Variants in MARCHF1 observed in about 807,000 individuals in gnomAD.
The protein encoded by MARCHF1 is membrane associated ring-CH-type finger 1, also known as E3 ubiquitin-protein ligase MARCHF1.
In MARCHF1, 40 loss-of-function variants were observed where a neutral mutation model predicts 54.2. The observed-to-expected ratio is 0.74, with a 90% confidence interval of 0.57 to 0.96. MARCHF1 has a LOEUF of 0.96. Ranked by LOEUF, MARCHF1 falls within the 40% of genes least tolerant of loss-of-function variation. The pLI is 0.00. For synonymous variants in MARCHF1, 236 were observed against 236.3 expected (o/e 1.00, Z 0.01); for missense variants, 586 against 656.5 (o/e 0.89, Z 1.17).
At chr4:163,696,533 A>G (rs1043767561) in intron 5 of MARCHF1, among the ~76,000 whole-genome samples, 1 of 152,166 alleles carries the variant, frequency 6.6e-6, no homozygotes, top group African/African-American at 2.4e-5. Context: ...ACTTCTTCAC[A>G]TGAGCTGTCA....
chr4:163,616,381 T>C (rs1261881899), intron 5 of MARCHF1, among the ~76,000 whole-genome samples: 2 of 152,010 alleles, frequency 1.3e-5, no homozygotes, highest in Non-Finnish European at 2.9e-5. Context: ...ATATAGAATA[T>C]ACAAGGAACC....
At chr4:163,932,680 G>T (rs1218928969) in intron 3 of MARCHF1, 2 of 500,894 alleles carry the variant, frequency 4.0e-6, no homozygotes, top group Non-Finnish European at 3.9e-6. Flanking sequence ...GTTGGGGGCT[G>T]CAGGTCCACC....
At chr4:163,976,106 C>G (rs942461952) in intron 3 of MARCHF1, among the ~76,000 whole-genome samples, 1 of 152,168 alleles carries the variant, frequency 6.6e-6, no homozygotes, top group African/African-American at 2.4e-5. Context: ...AGTTGAAGAA[C>G]TAGCAACAAG....
intron 1 of MARCHF1, chr4:164,197,290 A>C (rs1297455995): frequency 6.2e-7 from 1 of 1,611,508 alleles, no homozygotes; most frequent in African/African-American, 1.3e-5. Context: ...ACAGCTGTCG[A>C]GATATGTGAG....
chr4:163,556,954 G>A (rs1579060355), intron 8 of MARCHF1, among the ~76,000 whole-genome samples: 1 of 150,470 alleles, frequency 6.6e-6, no homozygotes, highest in Non-Finnish European at 1.5e-5. Context: ...ACAAAATATT[G>A]TGTGCATTTA....
chr4:164,154,882 G>A (rs2217484), intron 1 of MARCHF1, among the ~76,000 whole-genome samples: 29,899 of 152,124 alleles, frequency 0.2, 4,792 homozygotes, highest in African/African-American at 0.43. Context: ...GGATGAATAT[G>A]GGGGTTTTAT....
In MARCHF1 at chr4:163,854,055, C is replaced by T; in HGVS notation, c.77G>A (p.Gly26Glu). ...PNNTRTPEIS[G>E]DLADASQTST... is the part of the protein sequence containing the mutation. ...GGTTTGTGAGGCGTCAGCCAAATCC[C>T]CTGAGATCTCGGGTGTTCGCGTGTT... The change falls in exon 4 of 10, where the codon GGG becomes GAG. Residue 26 changes from glycine (G) to glutamate (E), a missense_variant. Physicochemically the swap from Gly to Glu is moderately conservative, Grantham distance 98. Transcript: ENST00000514618. 1 of 1,536,892 alleles carries T rather than the reference C, an allele frequency of 6.5e-7. No individual in the cohort carries two copies. The highest frequency in any genetic ancestry group is 8.7e-7 in the Non-Finnish European group (1 of 1,146,682).
chr4:164,137,293 A>G (rs1396099709), intron 1 of MARCHF1, among the ~76,000 whole-genome samples: 2 of 152,194 alleles, frequency 1.3e-5, no homozygotes, highest in Non-Finnish European at 2.9e-5. Flanking sequence ...CTTAACAGAC[A>G]GCCTTGTTAC....
intron 8 of MARCHF1, among the ~76,000 whole-genome samples, chr4:163,579,993 A>G (rs2055913): frequency 0.44 from 67,594 of 151,914 alleles, 15,188 homozygotes; most frequent in East Asian, 0.53. Flanking sequence ...GTCCATGTGC[A>G]CTAAAACTCT....
intron 3 of MARCHF1, among the ~76,000 whole-genome samples, chr4:163,928,877 C>T (rs988738824): frequency 2.4e-4 from 37 of 151,726 alleles, no homozygotes; most frequent in African/African-American, 7.7e-4. Context: ...CTTTTGAAAT[C>T]TCACTGTTCT....
At chr4:163,660,435 G>A (rs1743306867) in intron 5 of MARCHF1, among the ~76,000 whole-genome samples, 1 of 151,932 alleles carries the variant, frequency 6.6e-6, no homozygotes, top group South Asian at 2.1e-4. Flanking sequence ...GAGAGCATTA[G>A]GACAAAGACC....
rs116068030 is a variant in MARCHF1, at chr4:163,728,630, C to G, written c.112-27767G>C. ...TATTGGTATAGAGGAAAGTAATTGACTTATATATATTAACCTTGTATCCTG... is the reference window on the plus strand; with the variant it reads ...TATTGGTATAGAGGAAAGTAATTGAGTTATATATATTAACCTTGTATCCTG... On this transcript the variant is annotated intron_variant, in intron 4 of 9. Coordinates refer to ENST00000514618, the MANE Select transcript of MARCHF1 (RefSeq NM_001394959.1). Among the ~76,000 whole-genome samples the G allele has an allele frequency of 2.4e-3, 364 of 152,238 alleles. 1 individual carries two copies. Among genetic ancestry groups the G allele is most frequent in the African/African-American group, 8.4e-3 (351 of 41,558 alleles).
intron 1 of MARCHF1, among the ~76,000 whole-genome samples, chr4:164,349,079 T>A (rs972804623): frequency 6.6e-6 from 1 of 152,116 alleles, no homozygotes; most frequent in African/African-American, 2.4e-5. Flanking sequence ...CAGGGTCGGG[T>A]AACGGTGGAG....
At chr4:164,313,685 AT>A (rs573373339) in intron 1 of MARCHF1, among the ~76,000 whole-genome samples, 227 of 152,280 alleles carry the variant, frequency 1.5e-3, no homozygotes, top group African/African-American at 5.1e-3. Flanking sequence ...AGAAAAAAAA[AT>A]ATCCAAATAA....
intron 4 of MARCHF1, among the ~76,000 whole-genome samples, chr4:163,842,674 A>G (rs975202674): frequency 6.6e-6 from 1 of 152,184 alleles, no homozygotes; most frequent in African/African-American, 2.4e-5. Context: ...CATGGCACGT[A>G]GTATGTATTC....
chr4:164,186,785 G>A (rs1304110391), intron 1 of MARCHF1, among the ~76,000 whole-genome samples: 2 of 152,114 alleles, frequency 1.3e-5, no homozygotes, highest in African/African-American at 4.8e-5. Context: ...ATATTATCAG[G>A]TTCTTTGTAA....
At chr4:164,099,841 T>G (rs1479650810) in intron 2 of MARCHF1, among the ~76,000 whole-genome samples, 1 of 152,194 alleles carries the variant, frequency 6.6e-6, no homozygotes. Context: ...TCTAATACTT[T>G]TTAATTTTGT....
intron 5 of MARCHF1, among the ~76,000 whole-genome samples, chr4:163,697,230 A>G (rs929444394): frequency 6.6e-6 from 1 of 151,832 alleles, no homozygotes; most frequent in African/African-American, 2.4e-5. Flanking sequence ...ATGTACCAAG[A>G]CTCCAGACTC....
Position 164,337,199 on chromosome 4 carries a change from T to C in MARCHF1, c.-323+46671A>G, listed in dbSNP as rs569152625. Among the ~76,000 whole-genome samples, 6 of 152,306 alleles carry C rather than the reference T, an allele frequency of 3.9e-5. No homozygotes were observed. In the South Asian group the frequency reaches 1.2e-3, roughly 32 times the overall value. ...TGGGAGTTTTCTGCCATCATCACCC[T>C]GCAAAAGTATCAATTTTGACTACCA... On this transcript the variant is annotated intron_variant, in intron 1 of 9. Transcript: ENST00000514618.
Sources: allele counts gnomAD v4.1 joint callset (sites outside exome capture counted in the v4.1 genomes callset), GRCh38; gene constraint gnomAD v4.1.1; transcripts MANE v1.5; gene names NCBI Gene and HGNC (gene_info 2026-07-23, HGNC 2026-07-21).